Variants in FAM83G observed in about 807,000 individuals in gnomAD.
The protein encoded by FAM83G is protein FAM83G.
A neutral mutation model predicts 61.5 loss-of-function variants in FAM83G; 38 were observed. That is an observed-to-expected ratio of 0.62 (90% CI 0.48 to 0.81). The LOEUF is 0.81. FAM83G is among the 30% of genes least tolerant of loss of function. FAM83G has a pLI of 0.00. For synonymous variants in FAM83G, 470 were observed against 476.1 expected (o/e 0.99, Z 0.17); for missense variants, 989 against 1,133.6 (o/e 0.87, Z 1.83).
At chr17:18,991,322 G>T (rs543448849) in intron 2 of FAM83G, among the ~76,000 whole-genome samples, 142 of 152,262 alleles carry the variant, frequency 9.3e-4, no homozygotes, top group Non-Finnish European at 1.7e-3. Context: ...TGGGACCACA[G>T]CCCCTCCTGG....
chr17:18,977,114 T>G (rs1386997021), intron 5 of FAM83G: 2 of 1,321,738 alleles, frequency 1.5e-6, no homozygotes, highest in Non-Finnish European at 2.1e-6. Flanking sequence ...ACCTGGGGAG[T>G]GGGGAGAGTG....
chr17:18,971,227 C>T lies in FAM83G; in HGVS notation c.*132G>A. ...ACTGGTGCACCGACCAGGTGAGTGC[C>T]AACGTCTCCCGCCCATCCCACCTTC... is the stretch of plus-strand genomic sequence containing the variant. On this transcript the variant is annotated 3_prime_UTR_variant, in exon 6 of 6. Transcript: ENST00000388995. This position sits in a 1 kb window ranked among gnomAD's most constrained non-coding sequence, Gnocchi z 5.5. 3.7e-6 allele frequency: 6 copies of T among 1,613,632 alleles called. No individual in the cohort carries two copies. The African/African-American group carries it at 5.3e-5, about 14-fold the overall frequency.
chr17:18,971,611 G>A lies in FAM83G; in HGVS notation c.2220C>T (p.Gly740=), dbSNP rs1268287448. The A allele has an allele frequency of 1.2e-6, 2 of 1,613,470 alleles. No homozygotes were observed. Among genetic ancestry groups the A allele is most frequent in the Middle Eastern group, 1.6e-4 (1 of 6,062 alleles). ...STRNAGPAMA[G]PHHWQAKGGQ... The stretch of plus-strand genomic sequence containing the variant: ...CTCCCTTGGCCTGCCAGTGGTGGGG[G>A]CCAGCCATGGCTGGGCCAGCGTTTC... Residue 740 remains glycine, a synonymous_variant, in exon 6 of 6, where the codon GGC becomes GGT. Transcript: ENST00000388995. This position sits in a 1 kb window ranked among gnomAD's most constrained non-coding sequence, Gnocchi z 5.5.
chr17:18,978,289 G>T lies in FAM83G; in HGVS notation c.1377C>A (p.His459Gln), dbSNP rs368362087. ...IRDTSQASAQ[H>Q]QLWKQSQDSR... ...TGTCCTGGCTCTGCTTCCACAGCTG[G>T]TGCTGGGCGCTGGCCTGGGAGGTGT... Residue 459 changes from histidine to glutamine, a missense_variant, in exon 5 of 6, where the codon CAC becomes CAA. Physicochemically the swap from His to Gln is conservative, Grantham distance 24. This residue lies in a region of FAM83G where 574 missense variants were observed against 645.1 expected (regional missense o/e 0.89). Coordinates refer to ENST00000388995, the MANE Select transcript of FAM83G (RefSeq NM_001039999.3). The T allele has an allele frequency of 1.8e-5, 29 of 1,611,318 alleles. No individual in the cohort carries two copies. Among genetic ancestry groups the T allele is most frequent in the Non-Finnish European group, 2.1e-5 (25 of 1,178,740 alleles).
intron 5 of FAM83G, among the ~76,000 whole-genome samples, chr17:18,972,812 T>C (rs1481907758): frequency 6.7e-6 from 1 of 149,220 alleles, no homozygotes; most frequent in Admixed American, 6.7e-5. Context: ...CAGTGAGCAG[T>C]GAGCCGAGAT....
rs1306948606 is a variant in FAM83G at position 18,970,135 on chromosome 17, C to G, written c.*1224G>C. 2 of 152,274 alleles carry G rather than the reference C, an allele frequency of 1.3e-5. No homozygotes were observed. The highest frequency in any genetic ancestry group is 2.9e-5 in the Non-Finnish European group (2 of 68,062). 9.4% of individuals were successfully genotyped at this position (152,274 alleles called of 1,614,324 possible). A position where few individuals can be genotyped will look rare whatever the true frequency, so the allele number is the denominator to read the frequency against. On this transcript the variant is annotated 3_prime_UTR_variant, in exon 6 of 6. Transcript: ENST00000388995. ...GTCTGAATACAGAGCCTGACCTGAG[C>G]TCCATGGGAACAGTGATGCTGGGGA...
rs147287946 is a variant in FAM83G at position 19,003,291 on chromosome 17, G to A, written c.522+229C>T. On this transcript the variant is annotated intron_variant, in intron 2 of 5. Coordinates refer to ENST00000388995, the MANE Select transcript of FAM83G (RefSeq NM_001039999.3). The surrounding 1 kb of genome is among the most constrained non-coding windows in gnomAD (Gnocchi z 4.5). ...AACAATAAAGAGGCCCTTTGAGACGGGGCAGCCCACTGTCACCTGCTAGGA... is the reference window on the plus strand; with the variant it reads ...AACAATAAAGAGGCCCTTTGAGACGAGGCAGCCCACTGTCACCTGCTAGGA... Among the ~76,000 whole-genome samples the A allele has an allele frequency of 1.2e-3, 181 of 151,832 alleles. 1 individual carries two copies. Among genetic ancestry groups the A allele is most frequent in the African/African-American group, 4.0e-3 (165 of 41,392 alleles).
rs2043581718 is a variant in FAM83G, at chr17:18,996,803, G to A, written c.522+6717C>T. 6.6e-6 allele frequency among the ~76,000 whole-genome samples: 1 copy of A among 152,182 alleles called. No individual in the cohort carries two copies. Among genetic ancestry groups the A allele is most frequent in the African/African-American group, 2.4e-5 (1 of 41,442 alleles). On this transcript the variant is annotated intron_variant, in intron 2 of 5. Transcript: ENST00000388995. The surrounding 1 kb of genome is among the most constrained non-coding windows in gnomAD (Gnocchi z 4.4). ...CTTTTCTCCTAATGGGGGACCCTGT[G>A]TCCATTCCAACCTCTGAACCCACCC...
At position 18,969,279 on chromosome 17, in the gene FAM83G, C is replaced by T. The variant is rs1272155340; in HGVS notation, c.*2080G>A. 3.8e-6 allele frequency: 6 copies of T among 1,586,310 alleles called. No homozygotes were observed. Among genetic ancestry groups the T allele is most frequent in the Non-Finnish European group, 4.3e-6 (5 of 1,160,238 alleles). On this transcript the variant is annotated 3_prime_UTR_variant, in exon 6 of 6. Coordinates refer to ENST00000388995, the MANE Select transcript of FAM83G (RefSeq NM_001039999.3). ...GGCCCCAGCAGGAGCCCCAGAAGTT[C>T]CTCCCCGTGTCCCTCCTCCCTGGGG...
At position 18,977,739 on chromosome 17, in the gene FAM83G, G is replaced by A. The variant is rs1435933837; in HGVS notation, c.1927C>T (p.Pro643Ser). 5.6e-6 allele frequency: 9 copies of A among 1,606,760 alleles called. No homozygotes were observed. The East Asian group carries it at 1.8e-4, about 32-fold the overall frequency. The change falls in exon 5 of 6, where the codon CCA (proline) becomes TCA (serine). Residue 643 changes from proline to serine, a missense_variant. Pro to Ser is a moderately conservative substitution (Grantham distance 74). Coordinates refer to ENST00000388995, the MANE Select transcript of FAM83G (RefSeq NM_001039999.3). ...GCACTCAGCTGCCGGCGCGGTGGTG[G>A]GGTTGGCCCGTTGGCCACTTGCTCT... ...HSEQVANGPT[P>S]PPRRQLSAPH...
rs770866627 is a variant in FAM83G at position 18,969,441 on chromosome 17, G to C, written c.*1918C>G. 16 of 1,609,912 alleles carry C rather than the reference G, an allele frequency of 9.9e-6. No individual in the cohort carries two copies. The highest frequency in any genetic ancestry group is 1.3e-5 in the Non-Finnish European group (15 of 1,176,822). On this transcript the variant is annotated 3_prime_UTR_variant, in exon 6 of 6. Transcript: ENST00000388995. The stretch of plus-strand genomic sequence containing the variant: ...ATCAAAGGTGAGGACAGAGTCTGTG[G>C]CCATGGCGGGGCTGTCCCCACAGCG...
At chr17:18,988,143 T>A in intron 3 of FAM83G, 104 bp downstream of exon 3, 1 of 1,494,248 alleles carries the variant, frequency 6.7e-7, no homozygotes, top group South Asian at 1.3e-5. Flanking sequence ...TCTGAGTGCC[T>A]GGCACAGGAC....
At chr17:18,987,126 G>A (rs534175515) in intron 3 of FAM83G, among the ~76,000 whole-genome samples, 21 of 152,326 alleles carry the variant, frequency 1.4e-4, no homozygotes, top group Non-Finnish European at 2.4e-4. Context: ...CGTGGAGCCC[G>A]GCCCCTTGTT....
chr17:19,004,183 C>A lies in FAM83G; in HGVS notation c.-128-14G>T. The A allele has an allele frequency of 1.6e-6, 1 of 640,340 alleles. No homozygotes were observed. The highest frequency in any genetic ancestry group is 4.5e-5 in the East Asian group (1 of 22,118). The allele number at this position is 640,340 out of a possible 1,614,324, so 39.7% of individuals were successfully genotyped here. ...CCCATGAGCAATCTGCGGGAAAGACCTGATGAGCCCGGCTCGGCGGGGAGG... is the reference window on the plus strand; with the variant it reads ...CCCATGAGCAATCTGCGGGAAAGACATGATGAGCCCGGCTCGGCGGGGAGG... On this transcript the variant is annotated splice_polypyrimidine_tract_variant and intron_variant, in intron 1 of 5. Coordinates refer to ENST00000388995, the MANE Select transcript of FAM83G (RefSeq NM_001039999.3). The surrounding 1 kb of genome is among the most constrained non-coding windows in gnomAD (Gnocchi z 5.4).
At chr17:18,990,734 G>T (rs1389439355) in intron 2 of FAM83G, among the ~76,000 whole-genome samples, 1 of 152,248 alleles carries the variant, frequency 6.6e-6, no homozygotes, top group Non-Finnish European at 1.5e-5. Context: ...TCAGTGCCTA[G>T]GGTGGTCAGA....
rs1253043253 is a variant in FAM83G, at chr17:19,003,023, C to T, written c.522+497G>A. On this transcript the variant is annotated intron_variant, in intron 2 of 5. Transcript: ENST00000388995. This position sits in a 1 kb window ranked among gnomAD's most constrained non-coding sequence, Gnocchi z 4.5. ...GTGCAATCTGCTCCCAGTTGCTCAG[C>T]ACAGCTAGGAAACAGGCAGTGTTGA... 6.6e-6 allele frequency among the ~76,000 whole-genome samples: 1 copy of T among 152,132 alleles called. No homozygotes were observed. Among genetic ancestry groups the T allele is most frequent in the Non-Finnish European group, 1.5e-5 (1 of 68,024 alleles).
At position 19,004,494 on chromosome 17, in the gene FAM83G, G is replaced by C. The variant is rs2043825750; in HGVS notation, c.-129+215C>G. Among the ~76,000 whole-genome samples, 1 of 152,182 alleles carries C rather than the reference G, an allele frequency of 6.6e-6. No individual in the cohort carries two copies. Among genetic ancestry groups the C allele is most frequent in the African/African-American group, 2.4e-5 (1 of 41,464 alleles). On this transcript the variant is annotated intron_variant, in intron 1 of 5. Transcript: ENST00000388995. The surrounding 1 kb of genome is among the most constrained non-coding windows in gnomAD (Gnocchi z 5.4). ...CGGGGAACTTCCCAGTAGCTTCTTAGAGTGGGAGGCGGCCCCGGCACAGAG... is the reference window on the plus strand; with the variant it reads ...CGGGGAACTTCCCAGTAGCTTCTTACAGTGGGAGGCGGCCCCGGCACAGAG...
At chr17:18,975,657 T>C (rs1415222941) in intron 5 of FAM83G, 1 of 151,772 alleles carries the variant, frequency 6.6e-6, no homozygotes, top group Non-Finnish European at 1.5e-5. Context: ...ATTGCGCCAT[T>C]GCACTCCAGC....
chr17:18,987,038 A>G (rs2043287593), intron 3 of FAM83G, among the ~76,000 whole-genome samples: 1 of 152,146 alleles, frequency 6.6e-6, no homozygotes, highest in African/African-American at 2.4e-5. Flanking sequence ...AGTGCTCACA[A>G]CCACTTGAAA....
Sources: allele counts gnomAD v4.1 joint callset (sites outside exome capture counted in the v4.1 genomes callset), GRCh38; gene constraint gnomAD v4.1.1; regional missense constraint gnomAD v4.1.1; non-coding constraint Gnocchi (gnomAD v3.1); transcripts MANE v1.5; gene names NCBI Gene and HGNC (gene_info 2026-07-23, HGNC 2026-07-21).